FAM114A1: variants seen among roughly 807,000 people sequenced by gnomAD.
FAM114A1 encodes family with sequence similarity 114 member A1, also known as protein NOXP20.
FAM114A1 carries 62 observed loss-of-function variants against 64.3 expected under a neutral mutation model. The ratio of observed to expected loss-of-function variants is 0.96; its 90% CI spans 0.79 to 1.19. The LOEUF (loss-of-function observed/expected upper bound fraction) is 1.19. Among genes scored for constraint, FAM114A1 ranks in the 50% most tolerant of loss-of-function variants. The probability of loss-of-function intolerance (pLI) is 0.00; values close to 1 mark genes in which losing one functional copy is unlikely to be tolerated. For synonymous variants in FAM114A1, 254 were observed against 251.1 expected (o/e 1.01, Z -0.11); for missense variants, 645 against 676.3 (o/e 0.95, Z 0.51).
rs541589932 is a variant in FAM114A1, at chr4:38,891,850, T to C, written c.436+20T>C. 117 of 1,596,526 alleles carry C rather than the reference T, an allele frequency of 7.3e-5. 3 individuals carry two copies. In the South Asian group the frequency reaches 1.3e-3, roughly 18 times the overall value. ...CAGTAGGTAAGCATTGTATGTTGCA[T>C]TGGAATAGACAAAGTACCAAAGCCT... is the stretch of plus-strand genomic sequence containing the variant. On this transcript the variant is annotated intron_variant, in intron 4 of 14. Transcript: ENST00000358869.
chr4:38,873,211 C>T (rs374728162), intron 2 of FAM114A1, among the ~76,000 whole-genome samples: 10 of 152,296 alleles, frequency 6.6e-5, no homozygotes, highest in African/African-American at 2.4e-4. Flanking sequence ...GCCATTCTTA[C>T]ATGTAGACTT....
At position 38,877,763 on chromosome 4, in the gene FAM114A1, G is replaced by A. The variant is rs533095283; in HGVS notation, c.-8-308G>A. ...GTGGATCACCTGAGGTCGGGAGTTC[G>A]AGACCAGCCTGACCAACATGGAAAA... On this transcript the variant is annotated intron_variant, in intron 2 of 14. Transcript: ENST00000358869. Among the ~76,000 whole-genome samples the A allele has an allele frequency of 1.2e-4, 18 of 152,214 alleles. 1 individual carries two copies. The East Asian group carries it at 3.3e-3, about 28-fold the overall frequency.
intron 4 of FAM114A1, among the ~76,000 whole-genome samples, chr4:38,900,107 C>T (rs1234529051): frequency 6.6e-6 from 1 of 151,954 alleles, no homozygotes; most frequent in African/African-American, 2.4e-5. Flanking sequence ...CTCAACACCA[C>T]TAATCATTAG....
At chr4:38,935,674 A>G in intron 12 of FAM114A1, 44 bp from the exon 13 acceptor site, 4 of 1,377,666 alleles carry the variant, frequency 2.9e-6, no homozygotes, top group Non-Finnish European at 4.0e-6. Context: ...AAATTATTTT[A>G]CCTTATTGAA....
At chr4:38,926,200 A>G (rs1441608746) in intron 9 of FAM114A1, among the ~76,000 whole-genome samples, 1 of 152,242 alleles carries the variant, frequency 6.6e-6, no homozygotes, top group Non-Finnish European at 1.5e-5. Flanking sequence ...CCACAGAACT[A>G]CCAGATGCAG....
chr4:38,871,533 C>T (rs1034564907), intron 2 of FAM114A1, among the ~76,000 whole-genome samples: 1 of 151,990 alleles, frequency 6.6e-6, no homozygotes, highest in South Asian at 2.1e-4. Flanking sequence ...TATGTTTTAA[C>T]AATGCCTGTT....
At chr4:38,928,167 G>A (rs1048890504) in intron 9 of FAM114A1, among the ~76,000 whole-genome samples, 2 of 152,208 alleles carry the variant, frequency 1.3e-5, no homozygotes, top group Non-Finnish European at 2.9e-5. Context: ...ACAAGGGCTG[G>A]ATGCAGTGTT....
chr4:38,904,803 TAAG>T (rs1174195522), intron 4 of FAM114A1, among the ~76,000 whole-genome samples: 1 of 152,210 alleles, frequency 6.6e-6, no homozygotes, highest in African/African-American at 2.4e-5. Context: ...ATATCTTCCA[TAAG>T]GAGCTTACAA....
chr4:38,891,385 G>A (rs1273599007), intron 3 of FAM114A1, among the ~76,000 whole-genome samples: 1 of 152,106 alleles, frequency 6.6e-6, no homozygotes, highest in Admixed American at 6.6e-5. Context: ...CCTGGGTCCA[G>A]ATCATTTTGA....
At chr4:38,896,657 G>A (rs1457117931) in intron 4 of FAM114A1, among the ~76,000 whole-genome samples, 1 of 152,208 alleles carries the variant, frequency 6.6e-6, no homozygotes, top group Non-Finnish European at 1.5e-5. Flanking sequence ...TGTGGTCTAT[G>A]TTGAGCCACT....
chr4:38,886,681 A>G (rs1194947931), intron 3 of FAM114A1, among the ~76,000 whole-genome samples: 2 of 151,668 alleles, frequency 1.3e-5, no homozygotes, highest in Non-Finnish European at 2.9e-5. Flanking sequence ...TAATTCCAGC[A>G]CTTTGGGAGG....
rs1473388180 is a variant in FAM114A1, at chr4:38,871,110, G to A, written c.-9+2564G>A. Reference sequence around the variant, plus strand: ...TCTTTTTTTTTTTTTTTTTTTTTGCGACAGGGTCTCACACTGTCACCCAGG... The same window carrying A: ...TCTTTTTTTTTTTTTTTTTTTTTGCAACAGGGTCTCACACTGTCACCCAGG... On this transcript the variant is annotated intron_variant, in intron 2 of 14. Coordinates refer to ENST00000358869, the MANE Select transcript of FAM114A1 (RefSeq NM_138389.4). Among the ~76,000 whole-genome samples the A allele has an allele frequency of 8.6e-5, 9 of 104,558 alleles. No homozygotes were observed. In the South Asian group the frequency reaches 1.8e-3, roughly 20 times the overall value. The allele number at this position is 104,558 out of a possible 152,430, so 68.6% of individuals were successfully genotyped here.
intron 7 of FAM114A1, among the ~76,000 whole-genome samples, chr4:38,911,893 ACT>A (rs1006732639): frequency 4.4e-5 from 5 of 113,952 alleles, no homozygotes; most frequent in Non-Finnish European, 8.2e-5. Context: ...CAGAGCCCTC[ACT>A]CTGTCGCCCA....
chr4:38,908,460 C>T (rs1190544339), intron 6 of FAM114A1, 132 bp from the exon 7 acceptor site: 1 of 793,324 alleles, frequency 1.3e-6, no homozygotes, highest in East Asian at 2.7e-5. Context: ...TGATAAATCT[C>T]CTGATGAGAA....
At chr4:38,880,110 G>A (rs1355151118) in intron 3 of FAM114A1, among the ~76,000 whole-genome samples, 2 of 55,858 alleles carry the variant, frequency 3.6e-5, no homozygotes, top group African/African-American at 1.5e-4. Flanking sequence ...AAATAGAGTA[G>A]AATAGAATAG....
chr4:38,926,596 C>T (rs1720115460), intron 9 of FAM114A1, among the ~76,000 whole-genome samples: 1 of 152,130 alleles, frequency 6.6e-6, no homozygotes, highest in African/African-American at 2.4e-5. Context: ...GCTGGGATTA[C>T]AGGCACATGC....
intron 3 of FAM114A1, 82 bp downstream of exon 3, chr4:38,878,508 G>T (rs995620439): frequency 4.7e-6 from 6 of 1,287,956 alleles, no homozygotes; most frequent in African/African-American, 4.5e-5. Context: ...AAGCTCTGTG[G>T]GTGGGAATTG....
At chr4:38,910,656 G>T (rs1467937471) in intron 7 of FAM114A1, among the ~76,000 whole-genome samples, 1 of 152,228 alleles carries the variant, frequency 6.6e-6, no homozygotes. Flanking sequence ...GCCTTGGGCA[G>T]ATGATGACAT....
rs976568090 is a variant in FAM114A1, at chr4:38,945,708, C to T, written c.*2151C>T. ...TTATGTACAATCTGGAAAAAAATTA[C>T]CTGAGAAATCAATTAAAGATTTTTC... On this transcript the variant is annotated 3_prime_UTR_variant, in exon 15 of 15. Transcript: ENST00000358869. 1.3e-5 allele frequency: 2 copies of T among 152,114 alleles called. No individual in the cohort carries two copies. Among genetic ancestry groups the T allele is most frequent in the African/African-American group, 4.8e-5 (2 of 41,398 alleles). 9.4% of individuals were successfully genotyped at this position (152,114 alleles called of 1,614,324 possible). A position where few individuals can be genotyped will look rare whatever the true frequency, so the allele number is the denominator to read the frequency against.
Sources: gnomAD v4.1 joint callset for allele counts (sites outside exome capture counted in the v4.1 genomes callset) on GRCh38, gnomAD v4.1.1 for gene constraint, MANE v1.5 for transcripts, NCBI Gene and HGNC (gene_info 2026-07-23, HGNC 2026-07-21) for gene names.